The following FLVCR2 variants were observed in gnomAD, a reference collection of about 807,000 sequenced individuals.
FLVCR2 encodes the protein FLVCR choline and putative heme transporter 2, also known as choline/ethanolamine transporter FLVCR2.
A neutral mutation model predicts 48.9 loss-of-function variants in FLVCR2; 38 were observed. The observed-to-expected ratio is 0.78, with a 90% CI of 0.60 to 1.02. The LOEUF (loss-of-function observed/expected upper bound fraction) is 1.02. Among genes scored for constraint, FLVCR2 ranks in the 50% least tolerant of loss-of-function variants. FLVCR2 has a pLI of 0.00. For missense variants in FLVCR2, 664 were observed against 663.3 expected (o/e 1.00, Z -0.01); for synonymous variants, 255 against 257.0 (o/e 0.99, Z 0.07).
chr14:75,605,816 CAG>C, intron 1 of FLVCR2: 1 of 598,314 alleles, frequency 1.7e-6, no homozygotes, highest in East Asian at 2.8e-5. Flanking sequence ...AAGAGGGACA[CAG>C]AAGCTGGAGC....
chr14:75,587,175 G>A (rs887730622), intron 1 of FLVCR2, among the ~76,000 whole-genome samples: 10 of 152,124 alleles, frequency 6.6e-5, no homozygotes, highest in Non-Finnish European at 1.3e-4. Context: ...CCCCATTGTT[G>A]CAGGAGAGGG....
chr14:75,593,484 T>C (rs1487558322), intron 1 of FLVCR2, among the ~76,000 whole-genome samples: 1 of 152,130 alleles, frequency 6.6e-6, no homozygotes, highest in African/African-American at 2.4e-5. Context: ...ATCTCTTGGC[T>C]TTAAAACAAC....
At position 75,646,461 on chromosome 14, in the gene FLVCR2, G is replaced by C; in HGVS notation, c.1570G>C (p.Asp524His). 2.5e-6 allele frequency: 4 copies of C among 1,611,352 alleles called. No individual in the cohort carries two copies. Among genetic ancestry groups the C allele is most frequent in the Non-Finnish European group, 3.4e-6 (4 of 1,177,450 alleles). The stretch of plus-strand genomic sequence containing the variant: ...CAAAGTGCCCACTGCTGTGTCAGAG[G>C]ATCATCTCTGAGAGGAAGGTGGTGA... ...TSKVPTAVSEDHL is the reference protein window; with the variant it reads ...TSKVPTAVSEHHL The change falls in exon 10 of 10, where the codon GAT (aspartate) becomes CAT (histidine). Residue 524 changes from aspartate (D) to histidine (H), a missense_variant. Transcript: ENST00000238667.
intron 1 of FLVCR2, among the ~76,000 whole-genome samples, chr14:75,618,646 A>G (rs1048285495): frequency 6.6e-6 from 1 of 152,226 alleles, no homozygotes; most frequent in African/African-American, 2.4e-5. Context: ...CACATTTTAA[A>G]TTAATGTTTC....
intron 1 of FLVCR2, among the ~76,000 whole-genome samples, chr14:75,604,974 A>T (rs1889254935): frequency 1.3e-5 from 2 of 152,124 alleles, no homozygotes; most frequent in Admixed American, 6.5e-5. Flanking sequence ...CACTGGGTCA[A>T]CCCCTATGCC....
Position 75,636,222 on chromosome 14 carries a change from G to C in FLVCR2, c.1124+1209G>C, listed in dbSNP as rs1594814341. Reference sequence around the variant, plus strand: ...ACAGACAGTGGCAGACCTGTTCTCTGCCACACAAACCCGCTTCTGTGAGGC... The same window carrying C: ...ACAGACAGTGGCAGACCTGTTCTCTCCCACACAAACCCGCTTCTGTGAGGC... On this transcript the variant is annotated intron_variant, in intron 5 of 9. Transcript: ENST00000238667. 2.6e-5 allele frequency among the ~76,000 whole-genome samples: 4 copies of C among 152,294 alleles called. No homozygotes were observed. The South Asian group carries it at 8.3e-4, about 32-fold the overall frequency.
chr14:75,582,596 A>G (rs1182603900), intron 1 of FLVCR2, among the ~76,000 whole-genome samples: 3 of 152,204 alleles, frequency 2.0e-5, no homozygotes, highest in Non-Finnish European at 4.4e-5. Flanking sequence ...TTTGGACAGA[A>G]AGGCTACAGG....
chr14:75,587,321 T>C (rs1888773989), intron 1 of FLVCR2, among the ~76,000 whole-genome samples: 1 of 151,986 alleles, frequency 6.6e-6, no homozygotes, highest in South Asian at 2.1e-4. Context: ...CAAGCATACA[T>C]GTAAAAAAAA....
At chr14:75,624,888 C>T in intron 3 of FLVCR2, 136 bp downstream of exon 3, 1 of 1,014,630 alleles carries the variant, frequency 9.9e-7, no homozygotes. Context: ...TCCAGAGGAC[C>T]CAGCTATGCC....
In FLVCR2 at chr14:75,579,620, C is replaced by T. The variant is rs2287017; in HGVS notation, c.648C>T (p.Ser216=). 2.5e-6 allele frequency: 4 copies of T among 1,613,842 alleles called. No homozygotes were observed. Among genetic ancestry groups the T allele is most frequent in the South Asian group, 2.2e-5 (2 of 91,076 alleles). The change falls in exon 1 of 10, where the codon TCC becomes TCT. Residue 216 remains serine (S), a synonymous_variant. Transcript: ENST00000238667. ...CTAATGAGGTTTCAACAGCCTGCTC[C>T]GTGGCTGTCTTTGGCAATCAGGTAG... The part of the protein sequence containing the change: ...FGANEVSTAC[S]VAVFGNQLGI...
chr14:75,619,836 A>G (rs1889718920), intron 1 of FLVCR2, among the ~76,000 whole-genome samples: 1 of 152,198 alleles, frequency 6.6e-6, no homozygotes. Context: ...GCACTCACTC[A>G]AGCTTGGTGT....
At chr14:75,635,071 T>C in intron 5 of FLVCR2, 58 bp downstream of exon 5, 1 of 1,142,824 alleles carries the variant, frequency 8.8e-7, no homozygotes, top group Non-Finnish European at 1.3e-6. Flanking sequence ...AAATGACATA[T>C]TCATAAGCAG....
intron 1 of FLVCR2, among the ~76,000 whole-genome samples, chr14:75,610,197 G>C (rs1019524261): frequency 2.6e-5 from 4 of 151,940 alleles, no homozygotes. Context: ...GTCAGCTAGA[G>C]GGACATTAAT....
chr14:75,583,164 A>G (rs534802671), intron 1 of FLVCR2, among the ~76,000 whole-genome samples: 1 of 152,300 alleles, frequency 6.6e-6, no homozygotes, highest in Non-Finnish European at 1.5e-5. Flanking sequence ...CCAGAACAGA[A>G]TAATCGGTTA....
chr14:75,594,932 G>A (rs754599935), intron 1 of FLVCR2, among the ~76,000 whole-genome samples: 6 of 151,976 alleles, frequency 3.9e-5, no homozygotes, highest in East Asian at 1.9e-4. Flanking sequence ...TGTGCAGGCT[G>A]GTCTTGAACT....
chr14:75,605,839 G>A, intron 1 of FLVCR2: 1 of 565,830 alleles, frequency 1.8e-6, no homozygotes, highest in Non-Finnish European at 3.2e-6. Flanking sequence ...AAGGTTGGGA[G>A]CTGGTTTTCT....
At position 75,579,281 on chromosome 14, in the gene FLVCR2, C is replaced by T. The variant is rs781770997; in HGVS notation, c.309C>T (p.Ile103=). 3.0e-5 allele frequency: 48 copies of T among 1,614,260 alleles called. No individual in the cohort carries two copies. The Middle Eastern group carries it at 4.9e-4, about 17-fold the overall frequency. Residue 103 remains isoleucine, a synonymous_variant, in exon 1 of 10, where the codon ATC becomes ATT. Coordinates refer to ENST00000238667, the MANE Select transcript of FLVCR2 (RefSeq NM_017791.3). The stretch of plus-strand genomic sequence containing the variant: ...CCATGTGCAACTCCTTTCAGTGGAT[C>T]CAGTACGGCTCCATCAATAACATCT... ...CYSMCNSFQW[I]QYGSINNIFM...
intron 1 of FLVCR2, among the ~76,000 whole-genome samples, chr14:75,583,572 A>G (rs1422044397): frequency 6.6e-6 from 1 of 152,018 alleles, no homozygotes; most frequent in East Asian, 1.9e-4. Flanking sequence ...TGAACTGGGG[A>G]AAAGGGCAGG....
rs1566796062 is a variant in FLVCR2, at chr14:75,634,997, A to G, written c.1108A>G (p.Arg370Gly). 1 of 1,612,088 alleles carries G rather than the reference A, an allele frequency of 6.2e-7. No homozygotes were observed. The highest frequency in any genetic ancestry group is 8.5e-7 in the Non-Finnish European group (1 of 1,178,142). Residue 370 changes from arginine to glycine, a missense_variant, in exon 5 of 10, where the codon AGG becomes GGG. Arg to Gly is a moderately radical substitution (Grantham distance 125). Coordinates refer to ENST00000238667, the MANE Select transcript of FLVCR2 (RefSeq NM_017791.3). ...GAVISGIWLD[R>G]SKTYKETTLV... is the part of the protein sequence containing the mutation. ...TGTGATCTCAGGAATCTGGCTGGAT[A>G]GGTCCAAAACCTACAAGTAAGTGAC... is the stretch of plus-strand genomic sequence containing the variant.
Sources: allele counts gnomAD v4.1 joint callset (sites outside exome capture counted in the v4.1 genomes callset), GRCh38; gene constraint gnomAD v4.1.1; transcripts MANE v1.5; gene names NCBI Gene and HGNC (gene_info 2026-07-23, HGNC 2026-07-21).